The following ESRRG variants were observed in gnomAD, a reference collection of about 807,000 sequenced individuals.
ESRRG encodes estrogen-related receptor gamma.
In ESRRG, 13 loss-of-function variants were observed where a neutral mutation model predicts 44.0. The ratio of observed to expected loss-of-function variants is 0.30; its 90% CI spans 0.19 to 0.47. The LOEUF is 0.47. Among genes scored for constraint, ESRRG ranks in the 20% least tolerant of loss-of-function variants. ESRRG has a pLI of 1.00. For synonymous variants in ESRRG, 215 were observed against 214.6 expected, an observed-to-expected ratio of 1.00 and a Z score of -0.02; for missense variants, 395 against 580.6, an observed-to-expected ratio of 0.68 and a Z score of 3.29.
At chr1:216,633,218 G>T (rs1392565292) in intron 3 of ESRRG, among the ~76,000 whole-genome samples, 1 of 152,186 alleles carries the variant, frequency 6.6e-6, no homozygotes, top group Non-Finnish European at 1.5e-5. Context: ...CAGGCAGCAA[G>T]AGCTCCTGAC....
chr1:217,086,574 T>TTTACTTAATAGAG, intron 1 of ESRRG, among the ~76,000 whole-genome samples: 1 of 152,334 alleles, frequency 6.6e-6, no homozygotes, highest in African/African-American at 2.4e-5. Context: ...AGTAGTAAGC[T>TTTACTTAATAGAG]TAGTTTACAA....
At chr1:216,898,608 A>T (rs1222030790) in intron 2 of ESRRG, among the ~76,000 whole-genome samples, 1 of 152,112 alleles carries the variant, frequency 6.6e-6, no homozygotes, top group Non-Finnish European at 1.5e-5. Flanking sequence ...ACAAAGCGAG[A>T]CTCTGTCTCA....
chr1:216,720,804 T>C (rs2086093624), intron 1 of ESRRG, among the ~76,000 whole-genome samples: 4 of 152,186 alleles, frequency 2.6e-5, no homozygotes, highest in African/African-American at 4.8e-5. Flanking sequence ...AAATTTTCAA[T>C]GTCTGGACTT....
At position 217,113,884 on chromosome 1, in the gene ESRRG, T is replaced by G. The variant is rs1396887944; in HGVS notation, c.-230+23783A>C. Among the ~76,000 whole-genome samples, 6 of 152,102 alleles carry G rather than the reference T, an allele frequency of 3.9e-5. No individual in the cohort carries two copies. The East Asian group carries it at 1.2e-3, about 29-fold the overall frequency. On this transcript the variant is annotated intron_variant, in intron 1 of 8. Transcript: ENST00000366940. Reference sequence around the variant, plus strand: ...GGTGCATGCCTGTAGTCCCAGCTACTCCAGAGGCTGAGGCAGGAGGATTGC... The same window carrying G: ...GGTGCATGCCTGTAGTCCCAGCTACGCCAGAGGCTGAGGCAGGAGGATTGC...
In ESRRG at chr1:217,022,551, G is replaced by A. The variant is rs550766949; in HGVS notation, c.-106+66956C>T. ...TTTTTAACGCTGATTGTACTTTATG[G>A]CTAATGAGTTTTTCCCAATGGTCCT... On this transcript the variant is annotated intron_variant, in intron 1 of 7. Transcript: ENST00000359162. Among the ~76,000 whole-genome samples the A allele has an allele frequency of 2.0e-5, 3 of 152,098 alleles. No homozygotes were observed. The South Asian group carries it at 6.2e-4, about 32-fold the overall frequency.
rs147844236 is a variant in ESRRG at position 216,754,659 on chromosome 1, T to C, written c.-13-77168A>G. Among the ~76,000 whole-genome samples the C allele has an allele frequency of 4.7e-3, 715 of 151,724 alleles. 3 individuals are homozygous for C. The highest frequency in any genetic ancestry group is 0.016 in the African/African-American group (682 of 41,408). ...TTCAGTCACTAATTTCAGATTTTATTCCTTAGTATCTAAGTCAGTACAACC... is the reference window on the plus strand; with the variant it reads ...TTCAGTCACTAATTTCAGATTTTATCCCTTAGTATCTAAGTCAGTACAACC... On this transcript the variant is annotated intron_variant, in intron 2 of 7. Coordinates refer to the ESRRG transcript ENST00000359162.
intron 2 of ESRRG, among the ~76,000 whole-genome samples, chr1:216,842,705 G>C (rs2095670921): frequency 6.6e-6 from 1 of 152,162 alleles, no homozygotes; most frequent in Non-Finnish European, 1.5e-5. Context: ...ACTGAGTAAA[G>C]ACATGCATCT....
At chr1:216,779,516 A>ATAT (rs1491512408) in intron 2 of ESRRG, among the ~76,000 whole-genome samples, 14 of 36,812 alleles carry the variant, frequency 3.8e-4, no homozygotes, top group Non-Finnish European at 5.5e-4. Context: ...ATATATTTAT[A>ATAT]AATATAAATA....
At chr1:216,910,200 AG>A (rs1336228617) in intron 2 of ESRRG, among the ~76,000 whole-genome samples, 1 of 151,960 alleles carries the variant, frequency 6.6e-6, no homozygotes, top group Non-Finnish European at 1.5e-5. Context: ...AAAATGAAAA[AG>A]TTTGGCTGAA....
chr1:216,791,251 G>A (rs1350311481), intron 2 of ESRRG, among the ~76,000 whole-genome samples: 4 of 151,932 alleles, frequency 2.6e-5, no homozygotes, highest in Admixed American at 6.6e-5. Flanking sequence ...GAGTGAGATC[G>A]TGCAAGATCT....
At chr1:216,508,681 C>T (rs2041885656) in intron 6 of ESRRG, among the ~76,000 whole-genome samples, 1 of 152,132 alleles carries the variant, frequency 6.6e-6, no homozygotes, top group African/African-American at 2.4e-5. Context: ...CACATAATTT[C>T]TAAAGTTGTC....
intron 1 of ESRRG, among the ~76,000 whole-genome samples, chr1:217,082,075 T>G (rs912299769): frequency 6.6e-6 from 1 of 152,244 alleles, no homozygotes; most frequent in Admixed American, 6.5e-5. Flanking sequence ...CCATCTTCTA[T>G]GTCCAGCTGC....
At chr1:216,808,290 A>G (rs2094861833) in intron 2 of ESRRG, among the ~76,000 whole-genome samples, 1 of 152,148 alleles carries the variant, frequency 6.6e-6, no homozygotes, top group Non-Finnish European at 1.5e-5. Flanking sequence ...GAGGTGCTAC[A>G]CTTCTGAACT....
intron 5 of ESRRG, among the ~76,000 whole-genome samples, chr1:216,538,383 G>C (rs1175491565): frequency 2.0e-5 from 3 of 152,016 alleles, no homozygotes; most frequent in Non-Finnish European, 4.4e-5. Context: ...GAGGACAAAA[G>C]CGTGAGTCTG....
chr1:217,013,770 C>T (rs1202633979), intron 1 of ESRRG, among the ~76,000 whole-genome samples: 3 of 144,032 alleles, frequency 2.1e-5, no homozygotes, highest in African/African-American at 7.9e-5. Flanking sequence ...TAAATGTCAT[C>T]CCCCCTGAAA....
intron 1 of ESRRG, among the ~76,000 whole-genome samples, chr1:217,084,673 A>C (rs926921937): frequency 6.6e-6 from 1 of 152,350 alleles, no homozygotes; most frequent in Non-Finnish European, 1.5e-5. Flanking sequence ...TTGTTTGTAT[A>C]GGGAAAGTAA....
intron 2 of ESRRG, among the ~76,000 whole-genome samples, chr1:216,751,169 C>T (rs887240591): frequency 6.6e-6 from 1 of 152,138 alleles, no homozygotes; most frequent in Non-Finnish European, 1.5e-5. Context: ...AGTCTCCTTA[C>T]ACGCTTAAGA....
At chr1:216,743,406 T>C (rs2090995182) in intron 2 of ESRRG, among the ~76,000 whole-genome samples, 1 of 152,154 alleles carries the variant, frequency 6.6e-6, no homozygotes, top group African/African-American at 2.4e-5. Context: ...TGTGAAATTA[T>C]TGTTCTGTCT....
chr1:216,671,846 C>A (rs1219650353), intron 2 of ESRRG, among the ~76,000 whole-genome samples: 1 of 151,978 alleles, frequency 6.6e-6, no homozygotes, highest in Non-Finnish European at 1.5e-5. Context: ...AAATTATTTT[C>A]TTTATTATAT....
Sources: gnomAD v4.1 joint callset for allele counts (sites outside exome capture counted in the v4.1 genomes callset) on GRCh38, gnomAD v4.1.1 for gene constraint, MANE v1.5 for transcripts, NCBI Gene and HGNC (gene_info 2026-07-23, HGNC 2026-07-21) for gene names.